Variants in ZNF438 observed in about 807,000 individuals in gnomAD.
ZNF438 encodes zinc finger protein 438.
Under a neutral mutation model 38.0 loss-of-function variants are expected in ZNF438, and 25 were observed. That is an observed-to-expected ratio of 0.66 (90% CI 0.48 to 0.92). The LOEUF is 0.92. Among genes scored for constraint, ZNF438 ranks in the 40% least tolerant of loss-of-function variants. The pLI is 0.00. For missense variants in ZNF438, 1,007 were observed against 999.6 expected (o/e 1.01, Z -0.10); for synonymous variants, 372 against 364.1 (o/e 1.02, Z -0.25).
intron 1 of ZNF438, among the ~76,000 whole-genome samples, chr10:30,948,186 G>A (rs549702611): frequency 6.6e-6 from 1 of 152,262 alleles, no homozygotes; most frequent in East Asian, 1.9e-4. Flanking sequence ...GCAGCTGAGG[G>A]GTCCTGTCTG....
chr10:30,858,087 TG>T (rs1209966425), intron 4 of ZNF438, among the ~76,000 whole-genome samples: 3 of 152,166 alleles, frequency 2.0e-5, no homozygotes, highest in Admixed American at 6.5e-5. Context: ...CTGCTAAGAG[TG>T]CAGAAGGGAG....
intron 4 of ZNF438, among the ~76,000 whole-genome samples, chr10:30,872,749 CAAA>C (rs10633045): frequency 5.6e-5 from 5 of 88,858 alleles, no homozygotes; most frequent in East Asian, 3.9e-4. Flanking sequence ...GACTCTGTCT[CAAA>C]AAAAAAAAAA....
chr10:30,891,846 A>C (rs1423726640), intron 3 of ZNF438, among the ~76,000 whole-genome samples: 1 of 152,204 alleles, frequency 6.6e-6, no homozygotes, highest in African/African-American at 2.4e-5. Flanking sequence ...GTCTTTCTAC[A>C]TCAAGCAGAA....
intron 1 of ZNF438, among the ~76,000 whole-genome samples, chr10:30,982,109 T>C (rs1439466364): frequency 3.3e-5 from 5 of 150,770 alleles, no homozygotes; most frequent in African/African-American, 1.2e-4. Flanking sequence ...CTTTTTTTTT[T>C]TTTTATTTTT....
chr10:30,937,178 C>T (rs571635634), intron 2 of ZNF438, among the ~76,000 whole-genome samples: 7 of 152,118 alleles, frequency 4.6e-5, no homozygotes, highest in Non-Finnish European at 8.8e-5. Flanking sequence ...GGGGATGGGC[C>T]CAAATGGAGG....
At position 30,951,706 on chromosome 10, in the gene ZNF438, C is replaced by T. The variant is rs530980567; in HGVS notation, c.-191-10055G>A. The stretch of plus-strand genomic sequence containing the variant: ...CCAACTTACAAGGGATGTGAAGGAC[C>T]TCTTCAAGGATAACTATAAACCACT... On this transcript the variant is annotated intron_variant, in intron 1 of 5. Coordinates refer to ENST00000413025, the Ensembl canonical transcript of ZNF438. Among the ~76,000 whole-genome samples the T allele has an allele frequency of 9.9e-5, 15 of 151,582 alleles. No homozygotes were observed. In the South Asian group the frequency reaches 3.1e-3, roughly 32 times the overall value.
chr10:30,848,433 G>A, intron 5 of ZNF438, 98 bp downstream of exon 6: 2 of 1,378,298 alleles, frequency 1.5e-6, no homozygotes, highest in East Asian at 2.3e-5. Flanking sequence ...TAATCCTAGA[G>A]ATGTTTTATA....
chr10:31,016,680 A>G (rs372653696), intron 1 of ZNF438, among the ~76,000 whole-genome samples: 3 of 152,364 alleles, frequency 2.0e-5, no homozygotes, highest in African/African-American at 7.2e-5. Flanking sequence ...GGAAAAGAAT[A>G]TGACTAACAA....
chr10:30,872,333 GA>G (rs1255788744), intron 4 of ZNF438, among the ~76,000 whole-genome samples: 1 of 148,098 alleles, frequency 6.8e-6, no homozygotes, highest in African/African-American at 2.5e-5. Flanking sequence ...GGCTGAGGCA[GA>G]AGAATCACTT....
At chr10:31,013,242 C>T (rs976136453) in intron 1 of ZNF438, among the ~76,000 whole-genome samples, 44 of 152,046 alleles carry the variant, frequency 2.9e-4, no homozygotes, top group Non-Finnish European at 6.5e-4. Flanking sequence ...TGGCGTGAAC[C>T]CGGGAGGCGG....
chr10:30,926,210 G>A (rs999905825), intron 2 of ZNF438, among the ~76,000 whole-genome samples: 6 of 152,286 alleles, frequency 3.9e-5, no homozygotes, highest in African/African-American at 9.6e-5. Context: ...GTAGTTACAC[G>A]GATGTACATA....
At chr10:30,923,252 G>T (rs1376060300) in intron 2 of ZNF438, 1 of 152,162 alleles carries the variant, frequency 6.6e-6, no homozygotes, top group Non-Finnish European at 1.5e-5. Flanking sequence ...CAGGTGTTAT[G>T]TCACTCTTTT....
intron 1 of ZNF438, among the ~76,000 whole-genome samples, chr10:30,965,543 C>T (rs932061071): frequency 1.3e-5 from 2 of 152,044 alleles, no homozygotes; most frequent in Non-Finnish European, 1.5e-5. Flanking sequence ...TCAAAGAAAA[C>T]GTGGTATATA....
chr10:31,009,344 G>T (rs1246521874), intron 1 of ZNF438, among the ~76,000 whole-genome samples: 1 of 152,146 alleles, frequency 6.6e-6, no homozygotes, highest in Non-Finnish European at 1.5e-5. Context: ...CTGTGCCTCT[G>T]CTTCCATTAA....
chr10:30,960,135 C>T (rs2049307925), intron 1 of ZNF438, among the ~76,000 whole-genome samples: 1 of 146,960 alleles, frequency 6.8e-6, no homozygotes, highest in Non-Finnish European at 1.5e-5. Flanking sequence ...GGGTTGTTTG[C>T]CTTATTATTT....
intron 1 of ZNF438, among the ~76,000 whole-genome samples, chr10:30,967,759 A>C (rs553464791): frequency 6.6e-6 from 1 of 152,318 alleles, no homozygotes; most frequent in South Asian, 2.1e-4. Context: ...AGGTTCGCCT[A>C]CAAGATCACC....
intron 2 of ZNF438, among the ~76,000 whole-genome samples, chr10:30,921,462 T>A (rs1417183661): frequency 6.6e-6 from 1 of 152,260 alleles, no homozygotes; most frequent in African/African-American, 2.4e-5. Context: ...TTGCACTGAA[T>A]GAAATCTGAG....
At chr10:30,909,654 G>A (rs73250800) in intron 2 of ZNF438, among the ~76,000 whole-genome samples, 5,156 of 152,200 alleles carry the variant, frequency 0.034, 295 homozygotes, top group African/African-American at 0.12. Context: ...ACTGCATGGT[G>A]AATCATTTTC....
exon 6 of ZNF438, chr10:30,845,280 C>T (rs760979569): frequency 6.2e-7 from 1 of 1,614,104 alleles, no homozygotes; most frequent in African/African-American, 1.3e-5. Flanking sequence ...CAGTCTTGGA[C>T]ATGCATGTGA....
Sources: gnomAD v4.1 joint callset for allele counts (sites outside exome capture counted in the v4.1 genomes callset) on GRCh38, gnomAD v4.1.1 for gene constraint, MANE v1.5 for transcripts, NCBI Gene and HGNC (gene_info 2026-07-23, HGNC 2026-07-21) for gene names.